Variants in PCLO observed in about 807,000 individuals in gnomAD.
PCLO encodes piccolo presynaptic cytomatrix protein, also known as protein piccolo.
Under a neutral mutation model 427.5 loss-of-function variants are expected in PCLO, and 82 were observed. That is an observed-to-expected ratio of 0.19 (90% confidence interval 0.16 to 0.23). The LOEUF (loss-of-function observed/expected upper bound fraction) is 0.23. Among genes scored for constraint, PCLO ranks in the 10% least tolerant of loss-of-function variants. The probability of loss-of-function intolerance (pLI) is 1.00; values close to 1 mark genes in which losing one functional copy is unlikely to be tolerated. For synonymous variants in PCLO, 2,357 were observed against 2,155.4 expected, an observed-to-expected ratio of 1.09 and a Z score of -2.59; for missense variants, 6,239 against 6,115.9, an observed-to-expected ratio of 1.02 and a Z score of -0.67.
At chr7:82,863,490 C>G (rs951990725) in intron 10 of PCLO, among the ~76,000 whole-genome samples, 13 of 151,772 alleles carry the variant, frequency 8.6e-5, no homozygotes, top group Non-Finnish European at 1.5e-4. Context: ...CATAAAAAAT[C>G]AAATGTCATT....
chr7:83,051,231 A>T (rs1046542413), intron 3 of PCLO, among the ~76,000 whole-genome samples: 1 of 152,094 alleles, frequency 6.6e-6, no homozygotes, highest in Non-Finnish European at 1.5e-5. Context: ...AAAAAAAGAG[A>T]AAAAGATATA....
intron 22 of PCLO, among the ~76,000 whole-genome samples, chr7:82,766,716 C>A (rs998175160): frequency 3.9e-5 from 6 of 152,010 alleles, no homozygotes; most frequent in Non-Finnish European, 7.4e-5. Context: ...CTCAACACAC[C>A]GCATATGTGA....
At chr7:82,797,231 T>C (rs1389420636) in intron 22 of PCLO, among the ~76,000 whole-genome samples, 1 of 152,156 alleles carries the variant, frequency 6.6e-6, no homozygotes, top group South Asian at 2.1e-4. Context: ...TTCAAAGGTA[T>C]ACAGCCAAGA....
At chr7:82,760,546 G>T in intron 24 of PCLO, 93 bp downstream of exon 24, 1 of 753,670 alleles carries the variant, frequency 1.3e-6, no homozygotes, top group Non-Finnish European at 2.0e-6. Flanking sequence ...GTCATATAGT[G>T]TATGATCAGT....
chr7:82,886,687 A>G (rs368149566), intron 9 of PCLO, among the ~76,000 whole-genome samples: 2 of 152,138 alleles, frequency 1.3e-5, no homozygotes. Flanking sequence ...ATCAGGGGCT[A>G]TTTTTTCATT....
chr7:82,903,833 C>G (rs577645621), intron 8 of PCLO, among the ~76,000 whole-genome samples: 1 of 151,872 alleles, frequency 6.6e-6, no homozygotes, highest in Non-Finnish European at 1.5e-5. Context: ...AAGAGGTATA[C>G]ATTTTGTGAA....
At chr7:83,141,807 C>T (rs1791869045) in intron 2 of PCLO, among the ~76,000 whole-genome samples, 1 of 152,090 alleles carries the variant, frequency 6.6e-6, no homozygotes, top group Admixed American at 6.6e-5. Context: ...TAAAGAGTAT[C>T]AATTAATGGT....
chr7:82,898,392 T>C (rs1258785416), intron 9 of PCLO, among the ~76,000 whole-genome samples: 3 of 151,542 alleles, frequency 2.0e-5, no homozygotes, highest in African/African-American at 7.2e-5. Flanking sequence ...CTGTCTTCTA[T>C]TTTGAAATTA....
At chr7:82,998,682 C>A (rs983216894) in intron 3 of PCLO, among the ~76,000 whole-genome samples, 1 of 151,940 alleles carries the variant, frequency 6.6e-6, no homozygotes, top group Non-Finnish European at 1.5e-5. Flanking sequence ...AGAATGCTTT[C>A]TCTGCCCCAC....
intron 3 of PCLO, among the ~76,000 whole-genome samples, chr7:83,006,671 G>C (rs1787953565): frequency 6.6e-6 from 1 of 151,402 alleles, no homozygotes; most frequent in African/African-American, 2.4e-5. Flanking sequence ...GAATAGTGTT[G>C]TATACTTGAA....
At chr7:83,089,022 C>A (rs55951187) in intron 3 of PCLO, among the ~76,000 whole-genome samples, 29,085 of 151,918 alleles carry the variant, frequency 0.19, 3,401 homozygotes, top group African/African-American at 0.33. Flanking sequence ...ATATCACATA[C>A]TTGGAGACAT....
At chr7:82,847,296 C>G in intron 10 of PCLO, 49 bp from the exon 11 acceptor site, 1 of 1,038,572 alleles carries the variant, frequency 9.6e-7, no homozygotes, top group Non-Finnish European at 1.4e-6. Flanking sequence ...TATCTCTAGT[C>G]TGGGTACATA....
rs906381358 is a variant in PCLO, at chr7:82,755,050, CAATAT to C, written c.*3520_*3524del. ...CAAATAATTTCTAATAAATTGGGCA[CAATAT>C]AATATATACTTTTATTTTACTTCAC... On this transcript the variant is annotated 3_prime_UTR_variant, in exon 25 of 25. Transcript: ENST00000333891. 1 of 151,948 alleles carries C rather than the reference CAATAT, an allele frequency of 6.6e-6. No individual in the cohort carries two copies. Among genetic ancestry groups the C allele is most frequent in the African/African-American group, 2.4e-5 (1 of 41,388 alleles). The allele number at this position is 151,948 out of a possible 1,614,324, so 9.4% of individuals were successfully genotyped here.
chr7:83,137,426 T>C (rs1791756827), intron 2 of PCLO, among the ~76,000 whole-genome samples: 3 of 152,148 alleles, frequency 2.0e-5, no homozygotes, highest in Admixed American at 6.5e-5. Context: ...GGATATTCAT[T>C]CATTCATTCA....
intron 20 of PCLO, among the ~76,000 whole-genome samples, chr7:82,814,750 C>G (rs1791641460): frequency 6.6e-6 from 1 of 151,746 alleles, no homozygotes; most frequent in Admixed American, 6.6e-5. Context: ...ACTGTACACT[C>G]GAGAAAAAAA....
chr7:83,090,145 T>C (rs555153786), intron 3 of PCLO, among the ~76,000 whole-genome samples: 2 of 152,036 alleles, frequency 1.3e-5, no homozygotes, highest in South Asian at 4.2e-4. Flanking sequence ...CTACTAAAAA[T>C]ACAAAAATTA....
chr7:83,044,049 G>T (rs1789042335), intron 3 of PCLO, among the ~76,000 whole-genome samples: 1 of 149,786 alleles, frequency 6.7e-6, no homozygotes, highest in Non-Finnish European at 1.5e-5. Flanking sequence ...TTGACTCACA[G>T]TTCCGCATGG....
rs2115570202 is a variant in PCLO at position 82,811,251 on chromosome 7, A to T, written c.14792-5422T>A. Reference sequence around the variant, plus strand: ...AAATAACTACCTAGCAGTTTTAGAAATCAAGTATTTGGGAATTTTTACCCC... The same window carrying T: ...AAATAACTACCTAGCAGTTTTAGAATTCAAGTATTTGGGAATTTTTACCCC... On this transcript the variant is annotated intron_variant, in intron 20 of 24. Transcript: ENST00000333891. Among the ~76,000 whole-genome samples the T allele has an allele frequency of 2.0e-5, 3 of 151,544 alleles. No individual in the cohort carries two copies. The South Asian group carries it at 6.2e-4, about 31-fold the overall frequency.
rs547161353 is a variant in PCLO at position 82,786,701 on chromosome 7, A to G, written c.15007+14817T>C. Among the ~76,000 whole-genome samples, 241 of 152,188 alleles carry G rather than the reference A, an allele frequency of 1.6e-3. 7 individuals are homozygous for G. Among genetic ancestry groups the G allele is most frequent in the Admixed American group, 0.016 (239 of 15,272 alleles). ...GGTTTGCTGCACTCATCAACCTGTC[A>G]TCTACATTAGGTATTTCTCCTAATG... On this transcript the variant is annotated intron_variant, in intron 22 of 24. Transcript: ENST00000333891.
Sources: allele counts gnomAD v4.1 joint callset (sites outside exome capture counted in the v4.1 genomes callset), GRCh38; gene constraint gnomAD v4.1.1; transcripts MANE v1.5; gene names NCBI Gene and HGNC (gene_info 2026-07-23, HGNC 2026-07-21).